IGFL2: variants seen among roughly 807,000 people sequenced by gnomAD.
IGFL2 encodes insulin growth factor-like family member 2.
Under a neutral mutation model 13.9 loss-of-function variants are expected in IGFL2, and 7 were observed. The ratio of observed to expected loss-of-function variants is 0.51; its 90% CI spans 0.29 to 0.95. The LOEUF is 0.95. Among genes scored for constraint, IGFL2 ranks in the 40% least tolerant of loss-of-function variants. The pLI, the probability that IGFL2 is intolerant of heterozygous loss-of-function variation, is 0.08. For missense variants in IGFL2, 138 were observed against 147.8 expected (o/e 0.93, Z 0.34); for synonymous variants, 55 against 55.8 (o/e 0.99, Z 0.07).
chr19:46,142,021 A>G (rs891488835), upstream of IGFL2, among the ~76,000 whole-genome samples: 1 of 152,148 alleles, frequency 6.6e-6, no homozygotes, highest in African/African-American at 2.4e-5. Context: ...GAAGTTTCCA[A>G]TAATACTCTC....
chr19:46,096,616 C>G, the IGFL2 span, among the ~76,000 whole-genome samples: 1 of 152,126 alleles, frequency 6.6e-6, no homozygotes, highest in South Asian at 2.1e-4. Flanking sequence ...GAAGGGAATA[C>G]TTCCAGGTTT....
the IGFL2 span, among the ~76,000 whole-genome samples, chr19:46,093,071 A>G: frequency 2.0e-5 from 3 of 152,228 alleles, no homozygotes; most frequent in African/African-American, 7.2e-5. Flanking sequence ...AAAATTAAAT[A>G]TTAGTTTAAT....
the IGFL2 span, among the ~76,000 whole-genome samples, chr19:46,131,531 CAG>C: frequency 6.6e-6 from 1 of 152,202 alleles, no homozygotes; most frequent in African/African-American, 2.4e-5. Context: ...CTTTCTGTCT[CAG>C]AGGTTTATCG....
the IGFL2 span, among the ~76,000 whole-genome samples, chr19:46,176,158 C>T: frequency 6.8e-6 from 1 of 146,392 alleles, no homozygotes; most frequent in Non-Finnish European, 1.5e-5. Context: ...CAGCCCAGCA[C>T]TATTTTTAAA....
upstream of IGFL2, among the ~76,000 whole-genome samples, chr19:46,140,276 T>C (rs1328190422): frequency 1.3e-5 from 2 of 150,948 alleles, no homozygotes; most frequent in African/African-American, 4.9e-5. Flanking sequence ...TATCTCAAAA[T>C]GGTAGAACTT....
the IGFL2 span, among the ~76,000 whole-genome samples, chr19:46,079,143 C>T: frequency 3.3e-5 from 5 of 152,232 alleles, no homozygotes; most frequent in African/African-American, 7.2e-5. Context: ...GTAGACATCG[C>T]GCAGGCGATG....
chr19:46,136,686 C>G, the IGFL2 span: 8 of 469,850 alleles, frequency 1.7e-5, no homozygotes, highest in South Asian at 6.3e-5. Flanking sequence ...TGCAATTCAT[C>G]TCTTGCCATC....
At chr19:46,139,475 A>G (rs922193085), upstream of IGFL2, among the ~76,000 whole-genome samples, 3 of 152,134 alleles carry the variant, frequency 2.0e-5, no homozygotes, top group Non-Finnish European at 4.4e-5. Flanking sequence ...AAAAATTAGT[A>G]TGTAGAAAAG....
chr19:46,081,598 CAGAT>C, the IGFL2 span, among the ~76,000 whole-genome samples: 114 of 152,286 alleles, frequency 7.5e-4, no homozygotes, highest in African/African-American at 2.6e-3. Flanking sequence ...TCTTATCAGA[CAGAT>C]AGTCTTGTCT....
the IGFL2 span, chr19:46,136,994 C>T: frequency 5.8e-6 from 9 of 1,548,630 alleles, no homozygotes; most frequent in Non-Finnish European, 8.0e-6. Flanking sequence ...CACCAACTGA[C>T]TGGCAGAGAA....
At chr19:46,173,161 T>C in the IGFL2 span, among the ~76,000 whole-genome samples, 1 of 152,200 alleles carries the variant, frequency 6.6e-6, no homozygotes, top group African/African-American at 2.4e-5. Context: ...TGTCTACAGA[T>C]GCTTATTTTT....
chr19:46,168,226 A>G, the IGFL2 span, among the ~76,000 whole-genome samples: 6 of 152,172 alleles, frequency 3.9e-5, no homozygotes, highest in African/African-American at 1.4e-4. Context: ...TGAGCTGCCA[A>G]TACCCAGACA....
chr19:46,141,781 C>T (rs1972869997), upstream of IGFL2, among the ~76,000 whole-genome samples: 1 of 152,190 alleles, frequency 6.6e-6, no homozygotes, highest in African/African-American at 2.4e-5. Flanking sequence ...ATGCATCCCA[C>T]AGGACTCATG....
chr19:46,173,131 T>C, the IGFL2 span, among the ~76,000 whole-genome samples: 1,203 of 152,356 alleles, frequency 7.9e-3, 21 homozygotes, highest in African/African-American at 0.027. Flanking sequence ...TTGTTGCTGC[T>C]TTTATTTGGA....
intron 1 of IGFL2, among the ~76,000 whole-genome samples, chr19:46,151,779 G>T (rs546900714): frequency 1.5e-4 from 23 of 152,156 alleles, no homozygotes; most frequent in Non-Finnish European, 3.1e-4. Flanking sequence ...CAGGCATGCG[G>T]TGTGCGTCTG....
At chr19:46,184,302 G>A in the IGFL2 span, among the ~76,000 whole-genome samples, 3 of 151,570 alleles carry the variant, frequency 2.0e-5, no homozygotes, top group Non-Finnish European at 2.9e-5. Context: ...TAAGTTCTGA[G>A]GTACATGTGC....
the IGFL2 span, among the ~76,000 whole-genome samples, chr19:46,188,677 A>G: frequency 6.6e-6 from 1 of 152,312 alleles, no homozygotes; most frequent in Non-Finnish European, 1.5e-5. Flanking sequence ...TTGGGGACCC[A>G]TACCCAGCTG....
At chr19:46,079,175 A>G in the IGFL2 span, among the ~76,000 whole-genome samples, 8 of 152,384 alleles carry the variant, frequency 5.2e-5, no homozygotes, top group South Asian at 2.1e-4. Context: ...TTTGGCCGCC[A>G]TGTTTTCGTC....
the IGFL2 span, chr19:46,137,455 T>C: frequency 9.4e-7 from 1 of 1,067,618 alleles, no homozygotes; most frequent in Middle Eastern, 2.0e-4. Flanking sequence ...ACAGCCAATC[T>C]TGAAGAATCT....
Sources: gnomAD v4.1 joint callset for allele counts (sites outside exome capture counted in the v4.1 genomes callset) on GRCh38, gnomAD v4.1.1 for gene constraint, MANE v1.5 for transcripts, NCBI Gene and HGNC (gene_info 2026-07-23, HGNC 2026-07-21) for gene names.